Variants in HSD11B1 observed in about 807,000 individuals in gnomAD.
HSD11B1 encodes hydroxysteroid 11-beta dehydrogenase 1, also known as 11-beta-hydroxysteroid dehydrogenase 1.
In HSD11B1, 15 loss-of-function variants were observed where a neutral mutation model predicts 22.1. The observed-to-expected ratio is 0.68, with a 90% CI of 0.45 to 1.04. The LOEUF (loss-of-function observed/expected upper bound fraction) is 1.04, where lower values mean the gene tolerates loss of function less well. HSD11B1 is among the 50% of genes least tolerant of loss of function. The pLI is 0.00. For synonymous variants in HSD11B1, 122 were observed against 125.2 expected, an observed-to-expected ratio of 0.97 and a Z score of 0.17; for missense variants, 281 against 357.6, an observed-to-expected ratio of 0.79 and a Z score of 1.73.
chr1:209,696,132 T>A (rs1348955013), intron 1 of HSD11B1, among the ~76,000 whole-genome samples: 1 of 152,126 alleles, frequency 6.6e-6, no homozygotes, highest in Non-Finnish European at 1.5e-5. Flanking sequence ...TCTACTAATA[T>A]AAAATGTCCA....
intron 2 of HSD11B1, 43 bp downstream of exon 2, chr1:209,705,984 C>T (rs2076856464): frequency 6.2e-7 from 1 of 1,611,502 alleles, no homozygotes; most frequent in Non-Finnish European, 8.5e-7. Flanking sequence ...GTCACATGCT[C>T]AGATGTGTTC....
chr1:209,727,641 C>A (rs1571886496), intron 4 of HSD11B1, among the ~76,000 whole-genome samples: 1 of 152,150 alleles, frequency 6.6e-6, no homozygotes, highest in African/African-American at 2.4e-5. Context: ...GTGTGGGCCA[C>A]TAGAGTCAAA....
At chr1:209,698,176 T>C (rs1215182841) in intron 1 of HSD11B1, among the ~76,000 whole-genome samples, 3 of 87,412 alleles carry the variant, frequency 3.4e-5, no homozygotes, top group African/African-American at 1.2e-4. Context: ...ATTAGATAGA[T>C]AGATAGATAG....
intron 1 of HSD11B1, among the ~76,000 whole-genome samples, chr1:209,689,590 C>T (rs2076747252): frequency 6.6e-6 from 1 of 152,140 alleles, no homozygotes; most frequent in Non-Finnish European, 1.5e-5. Flanking sequence ...GTGCCATGCT[C>T]ATAGTAATGA....
chr1:209,723,556 A>G (rs572753191), intron 4 of HSD11B1, among the ~76,000 whole-genome samples: 1 of 152,306 alleles, frequency 6.6e-6, no homozygotes. Flanking sequence ...AAAAAATCCT[A>G]TGGCTGCCTC....
chr1:209,714,952 C>T (rs757203021), intron 4 of HSD11B1, among the ~76,000 whole-genome samples: 2 of 152,090 alleles, frequency 1.3e-5, no homozygotes, highest in Non-Finnish European at 2.9e-5. Context: ...CATGTGGCAC[C>T]TGGCACAGGG....
In HSD11B1 at chr1:209,696,077, A is replaced by G. The variant is rs2102358435; in HGVS notation, c.-48-8818A>G. 3.9e-5 allele frequency among the ~76,000 whole-genome samples: 6 copies of G among 152,342 alleles called. 1 individual carries two copies. The East Asian group carries it at 1.2e-3, about 29-fold the overall frequency. The stretch of plus-strand genomic sequence containing the variant: ...TACAATACGGAAGAATCTCAAAAAC[A>G]TGTTAAGTGAAAGAAGTCAGACAAA... On this transcript the variant is annotated intron_variant, in intron 1 of 6. Transcript: ENST00000261465.
intron 1 of HSD11B1, among the ~76,000 whole-genome samples, chr1:209,698,158 A>G (rs1242854870): frequency 1.4e-5 from 2 of 139,502 alleles, no homozygotes; most frequent in African/African-American, 2.7e-5. Context: ...GGTAGATAAG[A>G]TAGATAGATT....
chr1:209,716,259 C>G (rs891108174), intron 4 of HSD11B1, among the ~76,000 whole-genome samples: 9 of 149,634 alleles, frequency 6.0e-5, no homozygotes, highest in Non-Finnish European at 1.3e-4. Context: ...AATCAACATA[C>G]AAAAATCAAC....
intron 1 of HSD11B1, among the ~76,000 whole-genome samples, chr1:209,689,009 T>G (rs1370999166): frequency 6.6e-6 from 1 of 152,104 alleles, no homozygotes; most frequent in East Asian, 1.9e-4. Flanking sequence ...AGAAGACCCT[T>G]GGCCTCTACA....
intron 1 of HSD11B1, among the ~76,000 whole-genome samples, chr1:209,697,884 C>CTTGTTTTTTT (rs2076800509): frequency 2.4e-5 from 1 of 41,586 alleles, no homozygotes; most frequent in Non-Finnish European, 4.5e-5. Flanking sequence ...TTGTTTTTTC[C>CTTGTTTTTTT]TTTTTTTTTT....
At chr1:209,705,707 C>A (rs1041395584) in intron 1 of HSD11B1, 104 bp from the exon 2 acceptor site, 23 of 1,419,886 alleles carry the variant, frequency 1.6e-5, no homozygotes, top group African/African-American at 1.5e-4. Context: ...GGGCTCATAA[C>A]CTTTAAGTTA....
chr1:209,731,907 A>G (rs778185974), intron 4 of HSD11B1, among the ~76,000 whole-genome samples: 12 of 152,172 alleles, frequency 7.9e-5, no homozygotes, highest in Non-Finnish European at 1.8e-4. Flanking sequence ...GGGTTTCATC[A>G]TGTTAGTCAG....
chr1:209,686,265 A>T (rs45498592), upstream of HSD11B1: 1 of 152,268 alleles, frequency 6.6e-6, no homozygotes, highest in African/African-American at 2.4e-5. Context: ...AAAAGAAGTC[A>T]GATTTGTTCG....
intron 1 of HSD11B1, among the ~76,000 whole-genome samples, chr1:209,690,214 G>A (rs1443759531): frequency 1.3e-5 from 2 of 152,218 alleles, no homozygotes; most frequent in Non-Finnish European, 2.9e-5. Context: ...GCTGACATGA[G>A]AGGATTGCTT....
upstream of HSD11B1, among the ~76,000 whole-genome samples, chr1:209,701,903 C>A (rs2076828815): frequency 1.3e-5 from 2 of 152,060 alleles, no homozygotes; most frequent in Admixed American, 1.3e-4. Context: ...TCCATTTATT[C>A]TGGTGAGAAT....
intron 5 of HSD11B1, among the ~76,000 whole-genome samples, chr1:209,733,889 A>G (rs1318881569): frequency 6.6e-6 from 1 of 152,182 alleles, no homozygotes; most frequent in Non-Finnish European, 1.5e-5. Flanking sequence ...TCTTCCTTTT[A>G]CAAGACAGTA....
chr1:209,707,039 A>G lies in HSD11B1; in HGVS notation c.428A>G (p.Asn143Ser), dbSNP rs1467153888. 5 of 1,614,002 alleles carry G rather than the reference A, an allele frequency of 3.1e-6. No individual in the cohort carries two copies. Among genetic ancestry groups the G allele is most frequent in the South Asian group, 2.2e-5 (2 of 91,086 alleles). The change falls in exon 4 of 6, where the codon AAC (asparagine) becomes AGC (serine). Residue 143 changes from asparagine (N) to serine (S), a missense_variant. Coordinates refer to ENST00000367027, the MANE Select transcript of HSD11B1 (RefSeq NM_005525.4). Reference sequence around the variant, plus strand: ...CATGTGCGCAAAAGCATGGAAGTCAACTTCCTCAGTTACGTGGTCCTGACT... The same window carrying G: ...CATGTGCGCAAAAGCATGGAAGTCAGCTTCCTCAGTTACGTGGTCCTGACT... The part of the protein sequence containing the change: ...IHHVRKSMEV[N>S]FLSYVVLTVA...
rs77128189 is a variant in HSD11B1 at position 209,714,886 on chromosome 1, C to T, written c.517+7758C>T. On this transcript the variant is annotated intron_variant, in intron 4 of 5. Transcript: ENST00000367027. ...ATGAGGATGGCATCCTCACATGGGG[C>T]AGCAGTGGTGGCCTAGTGTGAAGTT... Among the ~76,000 whole-genome samples, 320 of 152,292 alleles carry T rather than the reference C, an allele frequency of 2.1e-3. 1 individual carries two copies. Among genetic ancestry groups the T allele is most frequent in the African/African-American group, 7.5e-3 (312 of 41,568 alleles).
Sources: allele counts gnomAD v4.1 joint callset (sites outside exome capture counted in the v4.1 genomes callset), GRCh38; gene constraint gnomAD v4.1.1; transcripts MANE v1.5; gene names NCBI Gene and HGNC (gene_info 2026-07-23, HGNC 2026-07-21).